KCNH6: variants seen among roughly 807,000 people sequenced by gnomAD.
KCNH6 encodes the protein voltage-gated inwardly rectifying potassium channel KCNH6.
Under a neutral mutation model 83.4 loss-of-function variants are expected in KCNH6, and 81 were observed. The observed-to-expected ratio is 0.97, with a 90% CI of 0.81 to 1.17. KCNH6 has a LOEUF of 1.17. KCNH6 is among the 50% of genes most tolerant of loss of function. KCNH6 has a pLI of 0.00. For missense variants in KCNH6, 1,203 were observed against 1,290.5 expected, an observed-to-expected ratio of 0.93 and a Z score of 1.04; for synonymous variants, 503 against 545.6, an observed-to-expected ratio of 0.92 and a Z score of 1.09.
At position 63,535,726 on chromosome 17, in the gene KCNH6, G is replaced by C; in HGVS notation, c.1159G>C (p.Ala387Pro). ...TARLLRLVRVARKLDRYSEYG... is the reference protein window; with the variant it reads ...TARLLRLVRVPRKLDRYSEYG... ...GCGGCTGCTGCGGCTGGTGCGCGTAGCACGGAAGCTGGACCGCTACTCTGA... is the reference window on the plus strand; with the variant it reads ...GCGGCTGCTGCGGCTGGTGCGCGTACCACGGAAGCTGGACCGCTACTCTGA... Residue 387 changes from alanine to proline, a missense_variant, in exon 6 of 13, where the codon GCA becomes CCA. Transcript: ENST00000314672. The surrounding 1 kb of genome is among the most constrained non-coding windows in gnomAD (Gnocchi z 4.9). 6.2e-7 allele frequency: 1 copy of C among 1,613,506 alleles called. No homozygotes were observed. The highest frequency in any genetic ancestry group is 2.2e-5 in the East Asian group (1 of 44,886).
chr17:63,541,286 C>CT (rs58311051), intron 8 of KCNH6, among the ~76,000 whole-genome samples: 28,524 of 108,882 alleles, frequency 0.26, 4,978 homozygotes, highest in Non-Finnish European at 0.32. Flanking sequence ...GTGCCTCTTG[C>CT]TTTTTTTTTT....
chr17:63,527,189 T>G (rs1720806205), intron 2 of KCNH6, among the ~76,000 whole-genome samples: 1 of 152,160 alleles, frequency 6.6e-6, no homozygotes, highest in South Asian at 2.1e-4. Flanking sequence ...TCCTCAGCTC[T>G]TGATGAGGAG....
chr17:63,543,663 G>C lies in KCNH6; in HGVS notation c.2233+3G>C. 6.2e-7 allele frequency: 1 copy of C among 1,604,698 alleles called. No individual in the cohort carries two copies. The highest frequency in any genetic ancestry group is 8.5e-7 in the Non-Finnish European group (1 of 1,172,314). On this transcript the variant is annotated splice_donor_region_variant and intron_variant, in intron 10 of 12. Coordinates refer to ENST00000314672, the MANE Select transcript of KCNH6 (RefSeq NM_001278919.2). The stretch of plus-strand genomic sequence containing the variant: ...CTTTCTCAGTGACAACCAGTCAGGT[G>C]AGCAAAGCCAGCCCCCACCCCCACC...
intron 6 of KCNH6, among the ~76,000 whole-genome samples, chr17:63,537,150 A>G (rs2032554826): frequency 6.6e-6 from 1 of 151,998 alleles, no homozygotes. Flanking sequence ...CAAAGCAAGA[A>G]CCCAGGTAGT....
chr17:63,546,909 G>T (rs376255358), downstream of KCNH6, among the ~76,000 whole-genome samples: 270 of 152,304 alleles, frequency 1.8e-3, 2 homozygotes, highest in African/African-American at 6.4e-3. Context: ...GAGGTGAAGG[G>T]AAGCAGAGGC....
At chr17:63,540,547 G>A (rs1315283132) in intron 8 of KCNH6, among the ~76,000 whole-genome samples, 1 of 152,112 alleles carries the variant, frequency 6.6e-6, no homozygotes, top group Non-Finnish European at 1.5e-5. Context: ...GTCCTGAGTA[G>A]AAAAAGACAC....
downstream of KCNH6, among the ~76,000 whole-genome samples, chr17:63,547,104 AC>A (rs2033163401): frequency 6.6e-6 from 1 of 152,058 alleles, no homozygotes; most frequent in Non-Finnish European, 1.5e-5. Context: ...AGACTAAGAC[AC>A]CCAAACATGA....
chr17:63,528,295 G>A (rs1018153441), intron 2 of KCNH6, among the ~76,000 whole-genome samples: 6 of 152,186 alleles, frequency 3.9e-5, no homozygotes, highest in Admixed American at 2.6e-4. Flanking sequence ...AGCACTATGT[G>A]CCCAGGAGTG....
rs148485289 is a variant in KCNH6, at chr17:63,538,299, T to TG, written c.1701+42dup. 906,099 of 1,608,536 alleles carry TG rather than the reference T, an allele frequency of 0.56. 259,554 individuals are homozygous for TG. The highest frequency in any genetic ancestry group is 0.68 in the Middle Eastern group (3,965 of 5,820). ...GCCGCTCCGGCTAATGCCCCGGGCGTGGGGGGGAGCCAAGATCCTGCGGGG... is the reference window on the plus strand; with the variant it reads ...GCCGCTCCGGCTAATGCCCCGGGCGTGGGGGGGGAGCCAAGATCCTGCGGGG... On this transcript the variant is annotated intron_variant, in intron 7 of 12. Transcript: ENST00000314672. The surrounding 1 kb of genome is among the most constrained non-coding windows in gnomAD (Gnocchi z 4.0).
intron 12 of KCNH6, 49 bp downstream of exon 12, chr17:63,545,313 C>A: frequency 6.4e-7 from 1 of 1,573,846 alleles, no homozygotes; most frequent in African/African-American, 1.3e-5. Flanking sequence ...CAGCTGCATG[C>A]CTTCCCTACC....
chr17:63,544,132 A>T (rs1277983590), intron 10 of KCNH6, 117 bp from the exon 11 acceptor site: 1 of 1,599,888 alleles, frequency 6.3e-7, no homozygotes, highest in South Asian at 1.1e-5. Flanking sequence ...AAGGAGAGCC[A>T]CTCCTCACAC....
Position 63,523,582 on chromosome 17 carries a change from A to AGGGGCCGCGGCCGAAAGATGCCGGTCCGC in KCNH6, c.76+93_76+94insGGGGCCGCGGCCGAAAGATGCCGGTCCGC. Reference sequence around the variant, plus strand: ...CCCCTTTACTAACTTCTAACCGGGCAAGGTGGTGAGTGCCGGGTGCTGAAT... The same window carrying AGGGGCCGCGGCCGAAAGATGCCGGTCCGC: ...CCCCTTTACTAACTTCTAACCGGGCAGGGGCCGCGGCCGAAAGATGCCGGTCCGCAGGTGGTGAGTGCCGGGTGCTGAAT... On this transcript the variant is annotated intron_variant, in intron 1 of 12. Transcript: ENST00000314672. The surrounding 1 kb of genome is among the most constrained non-coding windows in gnomAD (Gnocchi z 4.2). 1 of 1,214,756 alleles carries AGGGGCCGCGGCCGAAAGATGCCGGTCCGC rather than the reference A, an allele frequency of 8.2e-7. No individual in the cohort carries two copies. The highest frequency in any genetic ancestry group is 1.2e-6 in the Non-Finnish European group (1 of 866,408). 75.2% of individuals were successfully genotyped at this position (1,214,756 alleles called of 1,614,324 possible).
chr17:63,547,927 G>C (rs1016124714), downstream of KCNH6, among the ~76,000 whole-genome samples: 1 of 147,830 alleles, frequency 6.8e-6, no homozygotes, highest in Non-Finnish European at 1.5e-5. Context: ...TCATGCAACT[G>C]TACTCCAGCC....
intron 8 of KCNH6, among the ~76,000 whole-genome samples, chr17:63,539,931 C>T (rs896340788): frequency 6.6e-6 from 1 of 152,170 alleles, no homozygotes; most frequent in Non-Finnish European, 1.5e-5. Flanking sequence ...TATCCCAATC[C>T]GACCACCCTG....
Position 63,523,494 on chromosome 17 carries a change from G to C in KCNH6, c.76+5G>C. The C allele has an allele frequency of 6.2e-7, 1 of 1,601,506 alleles. No individual in the cohort carries two copies. On this transcript the variant is annotated splice_donor_5th_base_variant and intron_variant, in intron 1 of 12. Transcript: ENST00000314672. This position sits in a 1 kb window ranked among gnomAD's most constrained non-coding sequence, Gnocchi z 4.2. The stretch of plus-strand genomic sequence containing the variant: ...TCCGCAAGTTCGAGGGCCAAAGTGA[G>C]TGTGTGTATGTTGGGGCGGGGGGAC...
rs762483684 is a variant in KCNH6, at chr17:63,533,031, G to C, written c.676-855G>C. ...ACAGAGGTTACAAAACTTGCCCAAG[G>C]CTCACCTATAGCACATGTCAGACCT... is the stretch of plus-strand genomic sequence containing the variant. On this transcript the variant is annotated intron_variant, in intron 4 of 12. Transcript: ENST00000314672. The surrounding 1 kb of genome is among the most constrained non-coding windows in gnomAD (Gnocchi z 4.1). Among the ~76,000 whole-genome samples the C allele has an allele frequency of 6.6e-5, 10 of 152,124 alleles. No individual in the cohort carries two copies. Among genetic ancestry groups the C allele is most frequent in the Non-Finnish European group, 1.2e-4 (8 of 68,014 alleles).
chr17:63,523,511 C>A lies in KCNH6; in HGVS notation c.76+22C>A. 1.3e-6 allele frequency: 2 copies of A among 1,573,256 alleles called. No individual in the cohort carries two copies. Among genetic ancestry groups the A allele is most frequent in the African/African-American group, 1.4e-5 (1 of 70,596 alleles). On this transcript the variant is annotated intron_variant, in intron 1 of 12. Transcript: ENST00000314672. This position sits in a 1 kb window ranked among gnomAD's most constrained non-coding sequence, Gnocchi z 4.2. ...CAAAGTGAGTGTGTGTATGTTGGGG[C>A]GGGGGGACGATCTGGAGTCCTGGTT... is the stretch of plus-strand genomic sequence containing the variant.
chr17:63,530,186 CTCCTGGCCAAGT>C lies in KCNH6; in HGVS notation c.404_415del (p.Leu135_Cys139delinsArg). 1 of 1,614,200 alleles carries C rather than the reference CTCCTGGCCAAGT, an allele frequency of 6.2e-7. No homozygotes were observed. Among genetic ancestry groups the C allele is most frequent in the Non-Finnish European group, 8.5e-7 (1 of 1,180,040 alleles). On this transcript the variant is annotated inframe_deletion, in exon 3 of 13. Transcript: ENST00000314672. ...TCTCAACTTCGAGGACCTGGCCCAGCTCCTGGCCAAGTGCAGCAGCCGCAGCTTGTCCCAGCG... is the reference window on the plus strand; with the variant it reads ...TCTCAACTTCGAGGACCTGGCCCAGCGCAGCAGCCGCAGCTTGTCCCAGCG...
intron 8 of KCNH6, among the ~76,000 whole-genome samples, chr17:63,542,007 G>A (rs895595856): frequency 6.6e-6 from 1 of 152,212 alleles, no homozygotes; most frequent in African/African-American, 2.4e-5. Context: ...GAGACAGTGA[G>A]AGGAGCCACA....
Sources: allele counts gnomAD v4.1 joint callset (sites outside exome capture counted in the v4.1 genomes callset), GRCh38; gene constraint gnomAD v4.1.1; non-coding constraint Gnocchi (gnomAD v3.1); transcripts MANE v1.5; gene names NCBI Gene and HGNC (gene_info 2026-07-23, HGNC 2026-07-21).